Variants in PCDHAC2 observed in about 807,000 individuals in gnomAD.
PCDHAC2 encodes protocadherin alpha subfamily C, 2, also known as protocadherin alpha-C2.
In PCDHAC2, 24 loss-of-function variants were observed where a neutral mutation model predicts 63.3. The ratio of observed to expected loss-of-function variants is 0.38; its 90% CI spans 0.27 to 0.53. The LOEUF (loss-of-function observed/expected upper bound fraction) is 0.53, where lower values mean the gene tolerates loss of function less well. Among genes scored for constraint, PCDHAC2 ranks in the 20% least tolerant of loss-of-function variants. The probability of loss-of-function intolerance (pLI) is 0.81; values close to 1 mark genes in which losing one functional copy is unlikely to be tolerated. For synonymous variants in PCDHAC2, 569 were observed against 529.4 expected (o/e 1.07, Z -1.03); for missense variants, 1,181 against 1,275.2 (o/e 0.93, Z 1.12).
Position 140,968,634 on chromosome 5 carries a change from A to G in PCDHAC2, c.1868A>G (p.His623Arg), listed in dbSNP as rs782166097. Reference protein sequence around the residue: ...DSGQNAWLFYHLAQTSDLDLF... With the variant: ...DSGQNAWLFYRLAQTSDLDLF... ...GGGCAAAATGCTTGGCTTTTTTACC[A>G]TCTAGCCCAGACTTCTGACCTGGAC... The change falls in exon 1 of 4, where the codon CAT becomes CGT. Residue 623 changes from histidine to arginine, a missense_variant. His to Arg is a conservative substitution (Grantham distance 29, BLOSUM62 0). Around this residue, in one of 3 missense-constraint regions of PCDHAC2, gnomAD observed 968 missense variants for 1,073.5 expected, o/e 0.90. Coordinates refer to ENST00000289269, the MANE Select transcript of PCDHAC2 (RefSeq NM_018899.6). 14 of 1,614,176 alleles carry G rather than the reference A, an allele frequency of 8.7e-6. 1 individual carries two copies. The South Asian group carries it at 1.3e-4, about 15-fold the overall frequency.
At chr5:141,004,602 G>A (rs1345777080) in intron 3 of PCDHAC2, among the ~76,000 whole-genome samples, 18 of 152,298 alleles carry the variant, frequency 1.2e-4, no homozygotes, top group African/African-American at 4.1e-4. Flanking sequence ...CAGTGCTTAG[G>A]CCTCATGCAG....
intron 3 of PCDHAC2, among the ~76,000 whole-genome samples, chr5:140,994,117 G>A (rs889813029): frequency 2.6e-5 from 4 of 152,198 alleles, no homozygotes; most frequent in Admixed American, 6.5e-5. Flanking sequence ...ATTGTCATGT[G>A]ATAAGGGCGA....
intron 2 of PCDHAC2, among the ~76,000 whole-genome samples, chr5:140,980,159 A>G (rs2153821002): frequency 6.6e-6 from 1 of 152,326 alleles, no homozygotes; most frequent in Admixed American, 6.5e-5. Context: ...ATACCAGAAT[A>G]TTAGGTATCA....
At chr5:140,986,031 G>A (rs1443664535) in intron 3 of PCDHAC2, among the ~76,000 whole-genome samples, 5 of 152,198 alleles carry the variant, frequency 3.3e-5, no homozygotes, top group South Asian at 2.1e-4. Flanking sequence ...GAGCCACTGC[G>A]CCTGGCCTCA....
chr5:140,983,526 A>G (rs1421450953), intron 3 of PCDHAC2, among the ~76,000 whole-genome samples: 3 of 152,230 alleles, frequency 2.0e-5, no homozygotes, highest in Admixed American at 2.0e-4. Flanking sequence ...TGCCAAGTAC[A>G]TTGTATGTGT....
chr5:140,972,505 T>C (rs2096539361), intron 1 of PCDHAC2, among the ~76,000 whole-genome samples: 1 of 152,100 alleles, frequency 6.6e-6, no homozygotes, highest in African/African-American at 2.4e-5. Flanking sequence ...GTTGGTAGAT[T>C]TTACCCCCAG....
At chr5:141,007,095 G>A (rs1405401392) in intron 3 of PCDHAC2, among the ~76,000 whole-genome samples, 2 of 152,208 alleles carry the variant, frequency 1.3e-5, no homozygotes, top group East Asian at 1.9e-4. Context: ...AGAGAGTCTA[G>A]GGCCAAACCC....
chr5:140,978,820 T>C (rs2096824926), intron 1 of PCDHAC2, 129 bp from the exon 2 acceptor site: 1 of 1,517,496 alleles, frequency 6.6e-7, no homozygotes, highest in East Asian at 2.4e-5. Context: ...GAGTTACACA[T>C]GAAATGGCTC....
In PCDHAC2 at chr5:140,969,152, T is replaced by C; in HGVS notation, c.2386T>C (p.Cys796Arg). Residue 796 changes from cysteine (C) to arginine (R), a missense_variant, in exon 1 of 4, where the codon TGT (cysteine) becomes CGT (arginine). Transcript: ENST00000289269. ...CACCAAGACCTACTGCTACAAGGCCTGTCTGACAGCAGGCTCAGGGAGTGA... is the reference window on the plus strand; with the variant it reads ...CACCAAGACCTACTGCTACAAGGCCCGTCTGACAGCAGGCTCAGGGAGTGA... Reference protein sequence around the residue: ...SLTKTYCYKACLTAGSGSDTF... With the variant: ...SLTKTYCYKARLTAGSGSDTF... 1 of 1,614,002 alleles carries C rather than the reference T, an allele frequency of 6.2e-7. No individual in the cohort carries two copies. Among genetic ancestry groups the C allele is most frequent in the East Asian group, 2.2e-5 (1 of 44,862 alleles).
chr5:140,984,413 C>A lies in PCDHAC2; in HGVS notation c.2713+1850C>A, dbSNP rs75063168. Among the ~76,000 whole-genome samples, 1,502 of 152,262 alleles carry A rather than the reference C, an allele frequency of 9.9e-3. 20 individuals carry two copies. Among genetic ancestry groups the A allele is most frequent in the African/African-American group, 0.035 (1,434 of 41,536 alleles). On this transcript the variant is annotated intron_variant, in intron 3 of 3. Transcript: ENST00000289269. ...AAATGTTGAGAACCTATCTTTTTTA[C>A]AGAGATAGAGAAGGGGATCTCCCTT...
intron 1 of PCDHAC2, among the ~76,000 whole-genome samples, chr5:140,976,553 A>G (rs1554237789): frequency 1.3e-5 from 2 of 152,074 alleles, no homozygotes; most frequent in Non-Finnish European, 2.9e-5. Context: ...CCTATCTCAT[A>G]AATAAATAAA....
At chr5:140,969,529 T>G in intron 1 of PCDHAC2, 198 bp downstream of exon 1, 7 of 1,377,800 alleles carry the variant, frequency 5.1e-6, no homozygotes, top group Non-Finnish European at 6.8e-6. Flanking sequence ...GTTTTATTTT[T>G]CATTTTCAGA....
chr5:140,992,436 G>A (rs782486395), intron 3 of PCDHAC2, among the ~76,000 whole-genome samples: 10 of 152,186 alleles, frequency 6.6e-5, no homozygotes, highest in Non-Finnish European at 1.3e-4. Flanking sequence ...TGTTCCAAGA[G>A]TTGGGAGCAG....
intron 3 of PCDHAC2, among the ~76,000 whole-genome samples, chr5:141,008,500 A>C (rs2098379990): frequency 6.6e-6 from 1 of 152,072 alleles, no homozygotes; most frequent in African/African-American, 2.4e-5. Context: ...GGTATACTTT[A>C]TGGTGTGTCT....
intron 1 of PCDHAC2, among the ~76,000 whole-genome samples, chr5:140,978,488 C>A (rs1453613410): frequency 6.6e-6 from 1 of 152,224 alleles, no homozygotes; most frequent in African/African-American, 2.4e-5. Context: ...TCTGCAAAGC[C>A]AGCAGCAGAT....
At chr5:140,972,228 C>G (rs1295473743) in intron 1 of PCDHAC2, among the ~76,000 whole-genome samples, 1 of 151,964 alleles carries the variant, frequency 6.6e-6, no homozygotes, top group Admixed American at 6.5e-5. Flanking sequence ...CAGCCTCGAC[C>G]TTCTGGGCTC....
At chr5:140,988,026 T>A (rs1405610277) in intron 3 of PCDHAC2, among the ~76,000 whole-genome samples, 1 of 152,152 alleles carries the variant, frequency 6.6e-6, no homozygotes, top group Non-Finnish European at 1.5e-5. Context: ...GATTCTTAAG[T>A]TTTTTAGAAT....
Position 140,968,657 on chromosome 5 carries a change from G to C in PCDHAC2, c.1891G>C (p.Asp631His). 6.2e-7 allele frequency: 1 copy of C among 1,614,142 alleles called. No homozygotes were observed. The highest frequency in any genetic ancestry group is 8.5e-7 in the Non-Finnish European group (1 of 1,180,036). Residue 631 changes from aspartate to histidine, a missense_variant, in exon 1 of 4, where the codon GAC (aspartate) becomes CAC (histidine). Coordinates refer to ENST00000289269, the MANE Select transcript of PCDHAC2 (RefSeq NM_018899.6). ...FYHLAQTSDL[D>H]LFKVELHTGE... Reference sequence around the variant, plus strand: ...CCATCTAGCCCAGACTTCTGACCTGGACCTCTTTAAGGTAGAGCTGCACAC... The same window carrying C: ...CCATCTAGCCCAGACTTCTGACCTGCACCTCTTTAAGGTAGAGCTGCACAC...
Position 140,969,193 on chromosome 5 carries a change from C to T in PCDHAC2, c.2427C>T (p.Tyr809=), listed in dbSNP as rs1232655466. The T allele has an allele frequency of 8.1e-6, 13 of 1,614,002 alleles. No homozygotes were observed. In the African/African-American group the frequency reaches 1.2e-4, roughly 15 times the overall value. ...CAGGGAGTGACACTTTCATGTTTTA[C>T]AATACAGGGGCCCAGACAGGACCAG... is the stretch of plus-strand genomic sequence containing the variant. ...AGSGSDTFMF[Y]NTGAQTGPGP... is the part of the protein sequence containing the mutation. The change falls in exon 1 of 4, where the codon TAC becomes TAT. Residue 809 remains tyrosine, a synonymous_variant. Transcript: ENST00000289269.
Sources: gnomAD v4.1 joint callset for allele counts (sites outside exome capture counted in the v4.1 genomes callset) on GRCh38, gnomAD v4.1.1 for gene constraint, gnomAD v4.1.1 regional missense constraint, MANE v1.5 for transcripts, NCBI Gene and HGNC (gene_info 2026-07-23, HGNC 2026-07-21) for gene names.